The following MACROD2 variants were observed in gnomAD, a reference collection of about 807,000 sequenced individuals.
MACROD2 encodes ADP-ribose glycohydrolase MACROD2.
In MACROD2, 36 loss-of-function variants were observed where a neutral mutation model predicts 70.4. The ratio of observed to expected loss-of-function variants is 0.51; its 90% CI spans 0.39 to 0.68. MACROD2 has a LOEUF of 0.68. Among genes scored for constraint, MACROD2 ranks in the 30% least tolerant of loss-of-function variants. MACROD2 has a pLI of 0.00. For synonymous variants in MACROD2, 172 were observed against 178.8 expected, an observed-to-expected ratio of 0.96 and a Z score of 0.30; for missense variants, 496 against 538.4, an observed-to-expected ratio of 0.92 and a Z score of 0.78.
chr20:15,007,544 T>C (rs1320152999), intron 5 of MACROD2, among the ~76,000 whole-genome samples: 4 of 152,180 alleles, frequency 2.6e-5, no homozygotes, highest in African/African-American at 7.2e-5. Context: ...ACTATGTCAC[T>C]CAGGGTTCAG....
At chr20:14,872,442 G>A (rs1336741381) in intron 5 of MACROD2, among the ~76,000 whole-genome samples, 1 of 152,072 alleles carries the variant, frequency 6.6e-6, no homozygotes, top group Admixed American at 6.6e-5. Flanking sequence ...CAGCTAGACA[G>A]TTTCTCTCAC....
intron 3 of MACROD2, among the ~76,000 whole-genome samples, chr20:14,317,813 TA>T (rs2082626540): frequency 6.6e-6 from 1 of 152,132 alleles, no homozygotes; most frequent in Non-Finnish European, 1.5e-5. Context: ...AAAATAGGGA[TA>T]ATAATTCCTA....
Position 14,130,547 on chromosome 20 carries a change from A to G in MACROD2, c.271+44819A>G, listed in dbSNP as rs186244722. 2.1e-4 allele frequency among the ~76,000 whole-genome samples: 32 copies of G among 152,328 alleles called. No homozygotes were observed. The East Asian group carries it at 6.0e-3, about 29-fold the overall frequency. On this transcript the variant is annotated intron_variant, in intron 3 of 17. Coordinates refer to ENST00000684519, the MANE Select transcript of MACROD2 (RefSeq NM_001351661.2). ...CAACAGAGTGAGACTCTGTCTCAAA[A>G]AAAAAGAAAGAAAGAAAAAGAAAAT...
In MACROD2 at chr20:15,431,419, C is replaced by A. The variant is rs373719549; in HGVS notation, c.555C>A (p.Ile185=). ...TTTATTCACAGGCATTTCCCTGCATCTCAACAGGCATTTATGGTAAGTGAT... is the reference window on the plus strand; with the variant it reads ...TTTATTCACAGGCATTTCCCTGCATATCAACAGGCATTTATGGTAAGTGAT... ...NNIRSVAFPC[I]STGIYGFPNE... Residue 185 remains isoleucine (I), a synonymous_variant, in exon 7 of 18, where the codon ATC becomes ATA. Transcript: ENST00000684519. 6.2e-6 allele frequency: 10 copies of A among 1,610,954 alleles called. No homozygotes were observed. In the East Asian group the frequency reaches 6.7e-5, roughly 11 times the overall value.
chr20:14,762,965 TGACA>T (rs2072037035), intron 5 of MACROD2, among the ~76,000 whole-genome samples: 1 of 151,454 alleles, frequency 6.6e-6, no homozygotes, highest in East Asian at 1.9e-4. Context: ...AAAACATAAA[TGACA>T]GACAGGTAAG....
chr20:15,768,303 A>G (rs569608168), intron 8 of MACROD2, among the ~76,000 whole-genome samples: 1 of 152,224 alleles, frequency 6.6e-6, no homozygotes, highest in African/African-American at 2.4e-5. Context: ...AGTATAACCT[A>G]TTGCTCCTAG....
chr20:15,235,384 T>A (rs545825232), intron 6 of MACROD2, among the ~76,000 whole-genome samples: 1 of 152,164 alleles, frequency 6.6e-6, no homozygotes, highest in Non-Finnish European at 1.5e-5. Flanking sequence ...GAAAAAACAT[T>A]GTAAATTTTT....
intron 5 of MACROD2, among the ~76,000 whole-genome samples, chr20:14,794,781 C>T (rs760032644): frequency 1.3e-5 from 2 of 151,990 alleles, no homozygotes; most frequent in Admixed American, 6.6e-5. Context: ...TTAACAAGAC[C>T]GCCAAGGTCT....
chr20:14,645,696 T>A (rs950823025), intron 4 of MACROD2, among the ~76,000 whole-genome samples: 2 of 152,014 alleles, frequency 1.3e-5, no homozygotes, highest in Non-Finnish European at 2.9e-5. Context: ...ATTATTTACT[T>A]GCATTCAAGT....
At chr20:14,579,936 G>C (rs966702956) in intron 4 of MACROD2, among the ~76,000 whole-genome samples, 19 of 152,154 alleles carry the variant, frequency 1.2e-4, no homozygotes, top group Admixed American at 1.0e-3. Context: ...GAACTTGAAG[G>C]AACATGTTGC....
intron 5 of MACROD2, among the ~76,000 whole-genome samples, chr20:14,820,452 A>G (rs2072830738): frequency 6.6e-6 from 1 of 150,628 alleles, no homozygotes; most frequent in Middle Eastern, 3.5e-3. Flanking sequence ...TCTTCTGCTG[A>G]ACATGTGGCT....
intron 5 of MACROD2, among the ~76,000 whole-genome samples, chr20:14,752,062 C>G (rs2071879301): frequency 6.6e-6 from 1 of 150,592 alleles, no homozygotes; most frequent in Non-Finnish European, 1.5e-5. Flanking sequence ...TTCTCAAGAC[C>G]TGGTACCACC....
chr20:14,145,395 A>G (rs1569178709), intron 3 of MACROD2, among the ~76,000 whole-genome samples: 2 of 152,214 alleles, frequency 1.3e-5, no homozygotes, highest in Non-Finnish European at 2.9e-5. Flanking sequence ...CCACAGTTGG[A>G]GTTCAGAAAA....
chr20:14,340,233 G>T (rs528213487), intron 3 of MACROD2, among the ~76,000 whole-genome samples: 1 of 152,310 alleles, frequency 6.6e-6, no homozygotes, highest in South Asian at 2.1e-4. Flanking sequence ...AGGACAACCA[G>T]TGTAGTAGAC....
In MACROD2 at chr20:16,021,923, AAATG is replaced by A. The variant is rs562623998; in HGVS notation, c.1154-19262_1154-19259del. On this transcript the variant is annotated intron_variant, in intron 15 of 17. Coordinates refer to ENST00000684519, the MANE Select transcript of MACROD2 (RefSeq NM_001351661.2). ...TTGAATAAGAGTTTCCTGAATTAATAAATGAATGAATGAATGAATAAAGTGCTTT... is the reference window on the plus strand; with the variant it reads ...TTGAATAAGAGTTTCCTGAATTAATAAATGAATGAATGAATAAAGTGCTTT... Among the ~76,000 whole-genome samples, 635 of 152,340 alleles carry A rather than the reference AAATG, an allele frequency of 4.2e-3. 1 individual carries two copies. The highest frequency in any genetic ancestry group is 7.2e-3 in the Non-Finnish European group (488 of 68,034).
intron 4 of MACROD2, among the ~76,000 whole-genome samples, chr20:14,550,721 T>C (rs946548652): frequency 6.6e-6 from 1 of 152,240 alleles, no homozygotes; most frequent in African/African-American, 2.4e-5. Context: ...GCATTTATAG[T>C]TTACATCTAT....
chr20:15,194,743 T>C (rs2076594120), intron 5 of MACROD2, among the ~76,000 whole-genome samples: 1 of 152,154 alleles, frequency 6.6e-6, no homozygotes, highest in African/African-American at 2.4e-5. Context: ...GATCTTAGTA[T>C]TCCTTATTTT....
chr20:14,672,144 A>G (rs190784715), intron 4 of MACROD2, among the ~76,000 whole-genome samples: 1 of 152,126 alleles, frequency 6.6e-6, no homozygotes. Context: ...TTAATTATTG[A>G]TTCTATGGGT....
intron 15 of MACROD2, among the ~76,000 whole-genome samples, chr20:16,024,904 G>T (rs1315849203): frequency 6.6e-6 from 1 of 152,092 alleles, no homozygotes; most frequent in Non-Finnish European, 1.5e-5. Flanking sequence ...TAAAAAGCCT[G>T]CTCTTCAGGT....
Sources: gnomAD v4.1 joint callset for allele counts (sites outside exome capture counted in the v4.1 genomes callset) on GRCh38, gnomAD v4.1.1 for gene constraint, MANE v1.5 for transcripts, NCBI Gene and HGNC (gene_info 2026-07-23, HGNC 2026-07-21) for gene names.